RBFOX1: variants seen among roughly 807,000 people sequenced by gnomAD.
RBFOX1 encodes the protein RNA binding protein fox-1 homolog 1.
RBFOX1 carries 8 observed loss-of-function variants against 57.7 expected under a neutral mutation model. The observed-to-expected ratio is 0.14, with a 90% CI of 0.08 to 0.25. The LOEUF (loss-of-function observed/expected upper bound fraction) is 0.25. RBFOX1 is among the 10% of genes least tolerant of loss of function. The pLI is 1.00. For synonymous variants in RBFOX1, 326 were observed against 222.4 expected, an observed-to-expected ratio of 1.47 and a Z score of -4.15; for missense variants, 611 against 548.5, an observed-to-expected ratio of 1.11 and a Z score of -1.14.
intron 3 of RBFOX1, among the ~76,000 whole-genome samples, chr16:6,730,046 T>C (rs765699916): frequency 8.5e-5 from 13 of 152,158 alleles, no homozygotes; most frequent in Non-Finnish European, 2.9e-5. Flanking sequence ...ATCATGGAGA[T>C]AATCTTGATG....
intron 4 of RBFOX1, among the ~76,000 whole-genome samples, chr16:7,316,519 G>C (rs1381294577): frequency 6.6e-6 from 1 of 152,160 alleles, no homozygotes; most frequent in Non-Finnish European, 1.5e-5. Context: ...CAGAGATTGG[G>C]TTGGTCATTG....
intron 4 of RBFOX1, among the ~76,000 whole-genome samples, chr16:7,374,936 A>G (rs1299999627): frequency 6.6e-6 from 1 of 152,164 alleles, no homozygotes; most frequent in Non-Finnish European, 1.5e-5. Context: ...TGCACTTACA[A>G]ATTTAAACGG....
chr16:6,894,221 A>G (rs368792904), intron 3 of RBFOX1, among the ~76,000 whole-genome samples: 6 of 152,004 alleles, frequency 3.9e-5, no homozygotes, highest in East Asian at 3.9e-4. Context: ...TCACTTCTGC[A>G]TTTTCTGTCA....
intron 4 of RBFOX1, among the ~76,000 whole-genome samples, chr16:6,010,010 G>A (rs2094952058): frequency 6.6e-6 from 1 of 152,166 alleles, no homozygotes; most frequent in South Asian, 2.1e-4. Flanking sequence ...CTCCATGGAT[G>A]AGGAGAGATA....
chr16:7,541,021 C>G (rs2082774625), intron 5 of RBFOX1, among the ~76,000 whole-genome samples: 1 of 152,146 alleles, frequency 6.6e-6, no homozygotes. Flanking sequence ...CATTAGATAC[C>G]TCCCTGCCCA....
At chr16:6,696,558 G>A (rs549040908) in intron 3 of RBFOX1, among the ~76,000 whole-genome samples, 4 of 152,160 alleles carry the variant, frequency 2.6e-5, no homozygotes, top group Non-Finnish European at 2.9e-5. Context: ...GGTTTAATTC[G>A]AGTAATTTAG....
chr16:6,280,197 G>A (rs1038650742), intron 1 of RBFOX1, among the ~76,000 whole-genome samples: 22 of 152,134 alleles, frequency 1.4e-4, no homozygotes, highest in African/African-American at 4.8e-4. Context: ...TCTGCAGGGT[G>A]GCATTGTCCA....
chr16:5,508,686 C>T (rs1236120904), intron 2 of RBFOX1, among the ~76,000 whole-genome samples: 4 of 152,076 alleles, frequency 2.6e-5, no homozygotes, highest in African/African-American at 2.4e-5. Flanking sequence ...GAGGACTGCA[C>T]AGAGCGATTG....
intron 3 of RBFOX1, among the ~76,000 whole-genome samples, chr16:6,914,885 C>G (rs543200256): frequency 7.2e-5 from 11 of 152,330 alleles, no homozygotes; most frequent in South Asian, 2.1e-4. Context: ...AAGACCCTCT[C>G]AAAAACAAAA....
At chr16:5,944,997 G>A (rs1239345527) in intron 4 of RBFOX1, among the ~76,000 whole-genome samples, 9 of 144,610 alleles carry the variant, frequency 6.2e-5, no homozygotes, top group Admixed American at 2.8e-4. Flanking sequence ...AAGAGAGAGA[G>A]AGAGAGAGAA....
chr16:6,915,142 T>A (rs1275311997), intron 3 of RBFOX1, among the ~76,000 whole-genome samples: 1 of 152,154 alleles, frequency 6.6e-6, no homozygotes, highest in Non-Finnish European at 1.5e-5. Context: ...AGCCATGCTC[T>A]CCAGACTCGG....
At chr16:6,657,376 C>T (rs1035806024) in intron 3 of RBFOX1, among the ~76,000 whole-genome samples, 26 of 152,114 alleles carry the variant, frequency 1.7e-4, no homozygotes, top group African/African-American at 5.8e-4. Flanking sequence ...CTTAATTGAA[C>T]AGTCAAGAAG....
At chr16:6,548,205 A>G (rs770297915) in intron 2 of RBFOX1, among the ~76,000 whole-genome samples, 1 of 152,156 alleles carries the variant, frequency 6.6e-6, no homozygotes, top group Non-Finnish European at 1.5e-5. Context: ...TCCTTTATTT[A>G]TAATCTCCAT....
At chr16:7,597,254 G>T (rs2094751766) in intron 8 of RBFOX1, 117 bp from the exon 9 acceptor site, 2 of 647,434 alleles carry the variant, frequency 3.1e-6, no homozygotes, top group Non-Finnish European at 2.6e-6. Flanking sequence ...AAATTAAAAT[G>T]CATTTTACTT....
intron 4 of RBFOX1, among the ~76,000 whole-genome samples, chr16:7,166,972 C>CTTTGTTTTTTTTTTT (rs2079652505): frequency 2.0e-5 from 1 of 49,098 alleles, no homozygotes; most frequent in Non-Finnish European, 3.4e-5. Flanking sequence ...CATTGGTGTT[C>CTTTGTTTTTTTTTTT]TTTTTTTTTT....
intron 4 of RBFOX1, among the ~76,000 whole-genome samples, chr16:7,510,513 GCGCGCGCGCACGC>G (rs1567589326): frequency 1.9e-4 from 29 of 150,002 alleles, no homozygotes; most frequent in African/African-American, 6.9e-4. Context: ...GTGTGTGTGG[GCGCGCGCGCACGC>G]GCGCACGCGC....
In RBFOX1 at chr16:6,841,272, C is replaced by T. The variant is rs1412655918; in HGVS notation, c.-16+186622C>T. Among the ~76,000 whole-genome samples, 3 of 152,180 alleles carry T rather than the reference C, an allele frequency of 2.0e-5. No individual in the cohort carries two copies. The East Asian group carries it at 5.8e-4, about 29-fold the overall frequency. On this transcript the variant is annotated intron_variant, in intron 3 of 15. Transcript: ENST00000550418. ...TATACTCAGGTTCTTTTGAGAATTC[C>T]TTGCGAGGTTTGATAAGGACATTAG...
chr16:6,708,968 C>T (rs897257402), intron 3 of RBFOX1, among the ~76,000 whole-genome samples: 1 of 148,782 alleles, frequency 6.7e-6, no homozygotes, highest in African/African-American at 2.5e-5. Context: ...TGGTTAATTT[C>T]AGCAAGCTTT....
At chr16:7,191,221 A>T (rs987462569) in intron 4 of RBFOX1, among the ~76,000 whole-genome samples, 8 of 152,294 alleles carry the variant, frequency 5.3e-5, no homozygotes, top group Admixed American at 5.2e-4. Flanking sequence ...TTGTCTTAAT[A>T]ATGGATTTCT....
Sources: allele counts gnomAD v4.1 joint callset (sites outside exome capture counted in the v4.1 genomes callset), GRCh38; gene constraint gnomAD v4.1.1; transcripts MANE v1.5; gene names NCBI Gene and HGNC (gene_info 2026-07-23, HGNC 2026-07-21).